The following GRID2 variants were observed in gnomAD, a reference collection of about 807,000 sequenced individuals.
GRID2 encodes the protein glutamate ionotropic receptor delta type subunit 2.
Under a neutral mutation model 114.8 loss-of-function variants are expected in GRID2, and 33 were observed. The observed-to-expected ratio is 0.29, with a 90% CI of 0.22 to 0.38. GRID2 has a LOEUF of 0.38. Among genes scored for constraint, GRID2 ranks in the 10% least tolerant of loss-of-function variants. The pLI, the probability that GRID2 is intolerant of heterozygous loss-of-function variation, is 1.00. For synonymous variants in GRID2, 505 were observed against 449.9 expected (o/e 1.12, Z -1.55); for missense variants, 1,184 against 1,257.7 (o/e 0.94, Z 0.89).
intron 8 of GRID2, among the ~76,000 whole-genome samples, chr4:93,395,050 A>G (rs1765201113): frequency 6.6e-6 from 1 of 152,032 alleles, no homozygotes; most frequent in Admixed American, 6.6e-5. Flanking sequence ...AAATATTCCA[A>G]GCAAATTGAT....
At position 92,983,862 on chromosome 4, in the gene GRID2, C is replaced by G. The variant is rs1382914706; in HGVS notation, c.245-101133C>G. On this transcript the variant is annotated intron_variant, in intron 2 of 15. Coordinates refer to ENST00000282020, the MANE Select transcript of GRID2 (RefSeq NM_001510.4). Reference sequence around the variant, plus strand: ...AACTCTGTATATGTTTATTTTATGTCAATGCTAAGGGGGTTCTTTTAGGTC... The same window carrying G: ...AACTCTGTATATGTTTATTTTATGTGAATGCTAAGGGGGTTCTTTTAGGTC... 2.0e-5 allele frequency among the ~76,000 whole-genome samples: 3 copies of G among 152,094 alleles called. No individual in the cohort carries two copies. The East Asian group carries it at 5.8e-4, about 30-fold the overall frequency.
chr4:93,466,468 A>C (rs1724280985), intron 11 of GRID2, among the ~76,000 whole-genome samples: 1 of 152,214 alleles, frequency 6.6e-6, no homozygotes, highest in African/African-American at 2.4e-5. Flanking sequence ...AAAGAGTAGC[A>C]GCTCAGGGCA....
At chr4:92,934,041 A>G (rs1578518429) in intron 2 of GRID2, among the ~76,000 whole-genome samples, 2 of 151,822 alleles carry the variant, frequency 1.3e-5, no homozygotes, top group Admixed American at 1.3e-4. Flanking sequence ...TTATTTTAAT[A>G]TCTCTAAAGA....
intron 1 of GRID2, among the ~76,000 whole-genome samples, chr4:92,366,530 A>G (rs1275019234): frequency 6.6e-6 from 1 of 152,044 alleles, no homozygotes; most frequent in Non-Finnish European, 1.5e-5. Flanking sequence ...GACTACTATT[A>G]GTATCTACCA....
chr4:92,371,587 C>T (rs775738759), intron 1 of GRID2, among the ~76,000 whole-genome samples: 33 of 152,242 alleles, frequency 2.2e-4, no homozygotes, highest in Middle Eastern at 6.8e-3. Context: ...ACTGTTGAAA[C>T]CTACTGCTCA....
At chr4:93,153,958 A>G (rs1324309060) in intron 4 of GRID2, among the ~76,000 whole-genome samples, 1 of 152,016 alleles carries the variant, frequency 6.6e-6, no homozygotes, top group Non-Finnish European at 1.5e-5. Context: ...TAGAACTAGT[A>G]TGTATACCTC....
intron 13 of GRID2, among the ~76,000 whole-genome samples, chr4:93,589,386 CATT>C (rs1178756516): frequency 4.0e-5 from 6 of 151,834 alleles, no homozygotes; most frequent in Non-Finnish European, 8.8e-5. Context: ...ATGAACTCAT[CATT>C]TTTTATGGCT....
chr4:92,634,875 GAGAA>G (rs71647592), intron 2 of GRID2, among the ~76,000 whole-genome samples: 6,968 of 146,556 alleles, frequency 0.048, 193 homozygotes, highest in East Asian at 0.093. Context: ...GAGAGAGAGA[GAGAA>G]AGAGAGAGAG....
At chr4:93,745,249 G>C (rs1013989060) in intron 14 of GRID2, among the ~76,000 whole-genome samples, 5 of 152,028 alleles carry the variant, frequency 3.3e-5, no homozygotes, top group Non-Finnish European at 5.9e-5. Flanking sequence ...TTCATCTCAA[G>C]AACGTTAATT....
intron 13 of GRID2, among the ~76,000 whole-genome samples, chr4:93,590,567 A>G (rs1460811251): frequency 6.6e-6 from 1 of 152,014 alleles, no homozygotes; most frequent in Non-Finnish European, 1.5e-5. Flanking sequence ...TGAACTTTAA[A>G]GTAGTTTTTT....
intron 10 of GRID2, among the ~76,000 whole-genome samples, chr4:93,448,585 C>T (rs1389503617): frequency 1.3e-5 from 2 of 151,718 alleles, no homozygotes; most frequent in African/African-American, 4.8e-5. Context: ...AATAGTGTTC[C>T]CTCATCAAAA....
At chr4:92,954,923 T>C (rs1323015311) in intron 2 of GRID2, among the ~76,000 whole-genome samples, 3 of 135,774 alleles carry the variant, frequency 2.2e-5, no homozygotes, top group Non-Finnish European at 3.1e-5. Context: ...ATTTCATCCA[T>C]GTCCCTACAA....
intron 1 of GRID2, among the ~76,000 whole-genome samples, chr4:92,307,335 G>T (rs1725459234): frequency 6.6e-6 from 1 of 152,016 alleles, no homozygotes; most frequent in African/African-American, 2.4e-5. Flanking sequence ...CTCTAGCGAT[G>T]GAAGGAGATA....
intron 1 of GRID2, among the ~76,000 whole-genome samples, chr4:93,795,106 T>C (rs1185513388): frequency 6.6e-6 from 1 of 152,106 alleles, no homozygotes; most frequent in Admixed American, 6.6e-5. Flanking sequence ...AACTAAGAGA[T>C]ACAATGAGCA....
At chr4:92,960,033 A>G (rs181350220) in intron 2 of GRID2, among the ~76,000 whole-genome samples, 1 of 152,004 alleles carries the variant, frequency 6.6e-6, no homozygotes, top group Admixed American at 6.6e-5. Context: ...AGAGAAAAAA[A>G]GGGGTGTATT....
intron 14 of GRID2, among the ~76,000 whole-genome samples, chr4:93,751,932 T>C (rs1732355485): frequency 3.9e-5 from 6 of 152,106 alleles, no homozygotes; most frequent in Admixed American, 3.3e-4. Flanking sequence ...TGCTATGATT[T>C]TGGGGAGGAC....
intron 2 of GRID2, among the ~76,000 whole-genome samples, chr4:92,995,176 A>G (rs72665231): frequency 6.6e-6 from 1 of 152,260 alleles, no homozygotes; most frequent in Non-Finnish European, 1.5e-5. Context: ...TTCTCAGTGT[A>G]TACAAATTTT....
At chr4:92,600,044 G>GTGTGTGTGTATATA (rs1206780169) in intron 2 of GRID2, among the ~76,000 whole-genome samples, 7 of 54,428 alleles carry the variant, frequency 1.3e-4, no homozygotes, top group South Asian at 7.7e-4. Context: ...GTGTGTGTGT[G>GTGTGTGTGTATATA]TATATATATA....
At chr4:93,727,881 T>A (rs1239408276) in intron 14 of GRID2, among the ~76,000 whole-genome samples, 2 of 152,178 alleles carry the variant, frequency 1.3e-5, no homozygotes, top group African/African-American at 2.4e-5. Context: ...TCTCTTTTCT[T>A]CTTTATTAGT....
Sources: gnomAD v4.1 joint callset for allele counts (sites outside exome capture counted in the v4.1 genomes callset) on GRCh38, gnomAD v4.1.1 for gene constraint, MANE v1.5 for transcripts, NCBI Gene and HGNC (gene_info 2026-07-23, HGNC 2026-07-21) for gene names.